Variants in MMEL1 observed in about 807,000 individuals in gnomAD.
The protein encoded by MMEL1 is membrane metallo-endopeptidase-like 1.
In MMEL1, 98 loss-of-function variants were observed where a neutral mutation model predicts 117.1. The ratio of observed to expected loss-of-function variants is 0.84; its 90% CI spans 0.71 to 0.99. MMEL1 has a LOEUF of 0.99. Ranked by LOEUF, MMEL1 falls within the 50% of genes least tolerant of loss-of-function variation. The pLI is 0.00. For synonymous variants in MMEL1, 390 were observed against 415.1 expected (o/e 0.94, Z 0.74); for missense variants, 1,014 against 1,049.1 (o/e 0.97, Z 0.46).
At chr1:2,625,925 C>G (rs911205005) in intron 2 of MMEL1, among the ~76,000 whole-genome samples, 1 of 121,956 alleles carries the variant, frequency 8.2e-6, no homozygotes, top group South Asian at 2.6e-4. Context: ...TTCCCTATGA[C>G]CAGTGGACAG....
At chr1:2,598,607 C>T in intron 12 of MMEL1, 47 bp downstream of exon 12, 1 of 1,608,536 alleles carries the variant, frequency 6.2e-7, no homozygotes, top group Middle Eastern at 1.8e-4. Context: ...GATGGGAGAG[C>T]AGGGGCAAAG....
At chr1:2,605,506 G>A in intron 9 of MMEL1, 52 bp downstream of exon 9, 3 of 1,531,288 alleles carry the variant, frequency 2.0e-6, no homozygotes. Flanking sequence ...CCAGACCACG[G>A]GGTAGGGGGT....
At chr1:2,618,260 C>T (rs1051318402) in intron 2 of MMEL1, among the ~76,000 whole-genome samples, 6 of 152,124 alleles carry the variant, frequency 3.9e-5, no homozygotes, top group Non-Finnish European at 8.8e-5. Flanking sequence ...TCTTCTCTCT[C>T]TCTCTCTCTC....
At chr1:2,605,682 G>C in intron 8 of MMEL1, 59 bp from the exon 9 acceptor site, 14 of 1,344,252 alleles carry the variant, frequency 1.0e-5, no homozygotes, top group African/African-American at 1.4e-5. Context: ...CAGCCTGGCT[G>C]AGGCAGGCTG....
intron 11 of MMEL1, among the ~76,000 whole-genome samples, chr1:2,601,693 T>C (rs1644934108): frequency 6.6e-6 from 1 of 152,090 alleles, no homozygotes; most frequent in African/African-American, 2.4e-5. Context: ...CTAAAATAGG[T>C]AACTCCAAGA....
chr1:2,612,877 T>C lies in MMEL1; in HGVS notation c.155-673A>G, dbSNP rs1645151551. ...GTCCAGAGAGGTGACAAGCCAGGCC[T>C]GGCTACCTTCAGACCTGGCTTGTGG... On this transcript the variant is annotated intron_variant, in intron 2 of 23. Coordinates refer to ENST00000378412, the MANE Select transcript of MMEL1 (RefSeq NM_033467.4). This position sits in a 1 kb window ranked among gnomAD's most constrained non-coding sequence, Gnocchi z 5.4. Among the ~76,000 whole-genome samples, 1 of 152,110 alleles carries C rather than the reference T, an allele frequency of 6.6e-6. No homozygotes were observed. Among genetic ancestry groups the C allele is most frequent in the South Asian group, 2.1e-4 (1 of 4,832 alleles).
chr1:2,592,008 G>A lies in MMEL1; in HGVS notation c.2087C>T (p.Ala696Val), dbSNP rs750583673. 2.4e-5 allele frequency: 38 copies of A among 1,613,098 alleles called. No individual in the cohort carries two copies. In the South Asian group the frequency reaches 4.2e-4, roughly 18 times the overall value. ...QAYKAYLKWM[A>V]EGGKDQQLPG... is the part of the protein sequence containing the mutation. ...CAGCTGCTGGTCCTTGCCACCCTCTGCCATCCACTTGAGGTAGGCCTGCAG... is the reference window on the plus strand; with the variant it reads ...CAGCTGCTGGTCCTTGCCACCCTCTACCATCCACTTGAGGTAGGCCTGCAG... Residue 696 changes from alanine to valine, a missense_variant, in exon 22 of 24, where the codon GCA (alanine) becomes GTA (valine). Coordinates refer to ENST00000378412, the MANE Select transcript of MMEL1 (RefSeq NM_033467.4).
At chr1:2,605,467 G>C in intron 9 of MMEL1, 91 bp downstream of exon 9, 1 of 1,129,840 alleles carries the variant, frequency 8.9e-7, no homozygotes. Context: ...CAGCTTCGGG[G>C]AGGGAAGGCC....
At position 2,611,231 on chromosome 1, in the gene MMEL1, G is replaced by C. The variant is rs896581226; in HGVS notation, c.292+50C>G. On this transcript the variant is annotated intron_variant, in intron 4 of 23. Coordinates refer to ENST00000378412, the MANE Select transcript of MMEL1 (RefSeq NM_033467.4). ...CGGGGCCTACGTCAGTGTCAGCCGGGAGCCCCCAGCCCTTGGGCAGGCTGT... is the reference window on the plus strand; with the variant it reads ...CGGGGCCTACGTCAGTGTCAGCCGGCAGCCCCCAGCCCTTGGGCAGGCTGT... 3.9e-6 allele frequency: 6 copies of C among 1,522,136 alleles called. No individual in the cohort carries two copies. The African/African-American group carries it at 7.0e-5, about 18-fold the overall frequency. The allele number at this position is 1,522,136 out of a possible 1,614,324, so 94.3% of individuals were successfully genotyped here.
chr1:2,607,048 G>C lies in MMEL1; in HGVS notation c.557C>G (p.Ser186Cys). The change falls in exon 7 of 24, where the codon TCT becomes TGT. Residue 186 changes from serine to cysteine, a missense_variant. Coordinates refer to ENST00000378412, the MANE Select transcript of MMEL1 (RefSeq NM_033467.4). ...MNQSVIEKRG[S>C]QPLLDILEVV... ...CTCCAAGATGTCCAGCAGGGGCTGAGAGCCTCGCTTCTCTATCACACCTGA... is the reference window on the plus strand; with the variant it reads ...CTCCAAGATGTCCAGCAGGGGCTGACAGCCTCGCTTCTCTATCACACCTGA... 6.2e-7 allele frequency: 1 copy of C among 1,613,302 alleles called. No homozygotes were observed. The highest frequency in any genetic ancestry group is 8.5e-7 in the Non-Finnish European group (1 of 1,179,980).
intron 1 of MMEL1, among the ~76,000 whole-genome samples, chr1:2,631,139 G>C (rs1638561519): frequency 6.6e-6 from 1 of 152,204 alleles, no homozygotes; most frequent in Non-Finnish European, 1.5e-5. Context: ...ATCCCTCGCT[G>C]GCACTCGGAG....
Position 2,604,153 on chromosome 1 carries a change from C to A in MMEL1, c.945G>T (p.Leu315=), listed in dbSNP as rs1644982074. 1.3e-6 allele frequency: 2 copies of A among 1,593,668 alleles called. No individual in the cohort carries two copies. Among genetic ancestry groups the A allele is most frequent in the African/African-American group, 2.7e-5 (2 of 74,566 alleles). Residue 315 remains leucine (L), a synonymous_variant, in exon 10 of 24, where the codon CTG becomes CTT. Transcript: ENST00000378412. ...MVQVLELETQ[L]AKATVPQEER... ...CCCGCCCCGGCCCCCTTACCTTGGC[C>A]AGCTGTGTCTCCAGCTCCAGCACCT...
chr1:2,598,516 G>A, intron 12 of MMEL1, 138 bp downstream of exon 12: 1 of 1,413,540 alleles, frequency 7.1e-7, no homozygotes, highest in Non-Finnish European at 9.6e-7. Flanking sequence ...GGCCACTAAA[G>A]CTTAACCCCT....
chr1:2,607,553 C>T (rs571225494), intron 6 of MMEL1, among the ~76,000 whole-genome samples: 33 of 152,136 alleles, frequency 2.2e-4, no homozygotes, highest in African/African-American at 6.3e-4. Context: ...GGTGGGGCCC[C>T]GACAAGCAGG....
chr1:2,604,235 A>G lies in MMEL1; in HGVS notation c.863T>C (p.Leu288Pro). ...CCTGGGCAGGTTTGCATCCTCCCGCAGCAACGTGGCCACTGACACCATGAA... is the reference window on the plus strand; with the variant it reads ...CCTGGGCAGGTTTGCATCCTCCCGCGGCAACGTGGCCACTGACACCATGAA... ...LQFMVSVATLLREDANLPRDS... is the reference protein window; with the variant it reads ...LQFMVSVATLPREDANLPRDS... Residue 288 changes from leucine to proline, a missense_variant, in exon 10 of 24, where the codon CTG becomes CCG. Coordinates refer to ENST00000378412, the MANE Select transcript of MMEL1 (RefSeq NM_033467.4). The G allele has an allele frequency of 6.2e-7, 1 of 1,608,544 alleles. No individual in the cohort carries two copies. The highest frequency in any genetic ancestry group is 8.5e-7 in the Non-Finnish European group (1 of 1,177,480).
At chr1:2,602,800 T>G (rs1031648626) in intron 11 of MMEL1, among the ~76,000 whole-genome samples, 3 of 152,154 alleles carry the variant, frequency 2.0e-5, no homozygotes, top group African/African-American at 7.3e-5. Flanking sequence ...TGAGCCACAC[T>G]GGCCCCAGAT....
chr1:2,615,154 G>A (rs75596555), intron 2 of MMEL1, among the ~76,000 whole-genome samples: 8,114 of 152,248 alleles, frequency 0.053, 317 homozygotes, highest in Middle Eastern at 0.088. Flanking sequence ...AGGATGTGGA[G>A]CATAACTCCC....
At chr1:2,627,530 C>G (rs1183972496) in intron 2 of MMEL1, among the ~76,000 whole-genome samples, 1 of 152,086 alleles carries the variant, frequency 6.6e-6, no homozygotes, top group African/African-American at 2.4e-5. Context: ...TAAAATCGAT[C>G]AAGTGTTAGC....
At chr1:2,624,847 C>T (rs141334865) in intron 2 of MMEL1, among the ~76,000 whole-genome samples, 1,572 of 152,202 alleles carry the variant, frequency 0.01, 29 homozygotes, top group African/African-American at 0.036. Context: ...GTACAGGAAG[C>T]GTGGCTAGGA....
Sources: gnomAD v4.1 joint callset for allele counts (sites outside exome capture counted in the v4.1 genomes callset) on GRCh38, gnomAD v4.1.1 for gene constraint, Gnocchi (gnomAD v3.1) non-coding constraint, MANE v1.5 for transcripts, NCBI Gene and HGNC (gene_info 2026-07-23, HGNC 2026-07-21) for gene names.